The following DENND5A variants were observed in gnomAD, a reference collection of about 807,000 sequenced individuals.
The protein encoded by DENND5A is DENN domain-containing protein 5A.
In DENND5A, 64 loss-of-function variants were observed where a neutral mutation model predicts 140.3. That is an observed-to-expected ratio of 0.46 (90% CI 0.37 to 0.56). The LOEUF (loss-of-function observed/expected upper bound fraction) is 0.56, where lower values mean the gene tolerates loss of function less well. DENND5A is among the 20% of genes least tolerant of loss of function. The pLI is 0.00. For missense variants in DENND5A, 1,292 were observed against 1,593.8 expected (o/e 0.81, Z 3.22); for synonymous variants, 605 against 607.7 (o/e 1.00, Z 0.07).
intron 1 of DENND5A, among the ~76,000 whole-genome samples, chr11:9,224,309 T>C (rs568936954): frequency 2.2e-4 from 34 of 152,282 alleles, no homozygotes; most frequent in African/African-American, 8.2e-4. Context: ...ATTCAACATA[T>C]CTCAAGCCTT....
chr11:9,155,586 T>C (rs1270812057), intron 12 of DENND5A, among the ~76,000 whole-genome samples: 2 of 152,208 alleles, frequency 1.3e-5, no homozygotes, highest in Non-Finnish European at 2.9e-5. Flanking sequence ...AAGGGTCTGA[T>C]TGGGATTGCA....
rs377395197 is a variant in DENND5A, at chr11:9,170,679, A to C, written c.2005T>G (p.Phe669Val). The C allele has an allele frequency of 3.7e-6, 6 of 1,613,916 alleles. No homozygotes were observed. The African/African-American group carries it at 6.7e-5, about 18-fold the overall frequency. Residue 669 changes from phenylalanine to valine, a missense_variant, in exon 9 of 23, where the codon TTC (phenylalanine) becomes GTC (valine). Around this residue, in one of 4 missense-constraint regions of DENND5A, gnomAD observed 199 missense variants for 189.1 expected, o/e 1.05. Transcript: ENST00000328194. ...ACATCAGACTGCAGCTTAGGGAAGA[A>C]GCCCGGCTCATATTTCCCTTGTCCA... ...KIGQGKYEPG[F>V]FPKLQSDVLS...
chr11:9,257,009 T>C (rs1851974624), intron 1 of DENND5A, among the ~76,000 whole-genome samples: 1 of 152,140 alleles, frequency 6.6e-6, no homozygotes, highest in Non-Finnish European at 1.5e-5. Flanking sequence ...CTTTGTTCTA[T>C]TCATGTCAAT....
intron 12 of DENND5A, among the ~76,000 whole-genome samples, chr11:9,154,870 C>T (rs1003371447): frequency 1.3e-5 from 2 of 151,592 alleles, no homozygotes; most frequent in African/African-American, 4.8e-5. Flanking sequence ...AGAAGGTTGA[C>T]TGGGCGCAGT....
Position 9,223,760 on chromosome 11 carries a change from A to G in DENND5A, c.110-16128T>C, listed in dbSNP as rs765600298. On this transcript the variant is annotated intron_variant, in intron 1 of 22. Coordinates refer to ENST00000328194, the MANE Select transcript of DENND5A (RefSeq NM_015213.4). The stretch of plus-strand genomic sequence containing the variant: ...GACAGTGGTACCTGGGAATGTTAAT[A>G]TCCTTCAACCTATTGCCTGTAGGTT... Among the ~76,000 whole-genome samples, 8 of 152,190 alleles carry G rather than the reference A, an allele frequency of 5.3e-5. No individual in the cohort carries two copies. In the South Asian group the frequency reaches 1.2e-3, roughly 24 times the overall value.
At position 9,218,286 on chromosome 11, in the gene DENND5A, T is replaced by C. The variant is rs988483587; in HGVS notation, c.110-10654A>G. Among the ~76,000 whole-genome samples, 5 of 150,818 alleles carry C rather than the reference T, an allele frequency of 3.3e-5. No individual in the cohort carries two copies. In the East Asian group the frequency reaches 9.8e-4, roughly 29 times the overall value. ...AAAAATAAACAAAAAAAAAACAAGC[T>C]TGTGGAAATTAAAATGGTGTCAGAA... On this transcript the variant is annotated intron_variant, in intron 1 of 22. Transcript: ENST00000328194.
chr11:9,233,758 A>C (rs1055829874), intron 1 of DENND5A, among the ~76,000 whole-genome samples: 5 of 152,124 alleles, frequency 3.3e-5, no homozygotes, highest in African/African-American at 1.2e-4. Flanking sequence ...TCTCCCCAAG[A>C]GCCTCTGAGG....
At chr11:9,153,397 ATGGT>A (rs1471669601) in intron 12 of DENND5A, among the ~76,000 whole-genome samples, 35 of 151,244 alleles carry the variant, frequency 2.3e-4, no homozygotes, top group East Asian at 1.7e-3. Context: ...CATCCTCTAA[ATGGT>A]CTGCTGGTTT....
At chr11:9,206,611 TCA>T in intron 3 of DENND5A, 60 bp downstream of exon 3, 2 of 1,246,348 alleles carry the variant, frequency 1.6e-6, no homozygotes, top group Admixed American at 3.5e-5. Context: ...CAGCCTGAAC[TCA>T]CAATCCTATT....
At chr11:9,194,157 G>T (rs1849236730) in intron 4 of DENND5A, among the ~76,000 whole-genome samples, 1 of 152,194 alleles carries the variant, frequency 6.6e-6, no homozygotes, top group Admixed American at 6.5e-5. Context: ...CAAGCACAAA[G>T]AACCACCAAG....
chr11:9,234,178 C>CAA lies in DENND5A; in HGVS notation c.110-26548_110-26547dup, dbSNP rs11295091. Among the ~76,000 whole-genome samples the CAA allele has an allele frequency of 5.9e-3, 740 of 126,086 alleles. 8 individuals carry two copies. Among genetic ancestry groups the CAA allele is most frequent in the African/African-American group, 0.02 (683 of 34,032 alleles). 82.7% of individuals were successfully genotyped at this position (126,086 alleles called of 152,430 possible). On this transcript the variant is annotated intron_variant, in intron 1 of 22. Transcript: ENST00000328194. Reference sequence around the variant, plus strand: ...TGGGCAACAGAGCAAAACTCCGTCTCAAAAAAAAAAAAAAAGGCAACTAAT... The same window carrying CAA: ...TGGGCAACAGAGCAAAACTCCGTCTCAAAAAAAAAAAAAAAAAGGCAACTAAT...
intron 1 of DENND5A, among the ~76,000 whole-genome samples, chr11:9,235,986 A>G (rs1031241388): frequency 6.6e-6 from 1 of 152,192 alleles, no homozygotes; most frequent in African/African-American, 2.4e-5. Context: ...CATACCTGTA[A>G]TCTCAGCACT....
chr11:9,145,905 A>C, intron 16 of DENND5A, 90 bp from the exon 17 acceptor site: 1 of 1,408,340 alleles, frequency 7.1e-7, no homozygotes, highest in South Asian at 1.2e-5. Flanking sequence ...GAAGGCTGGC[A>C]CAACTGTGGC....
At chr11:9,262,843 G>A (rs1180000418) in intron 1 of DENND5A, among the ~76,000 whole-genome samples, 3 of 151,980 alleles carry the variant, frequency 2.0e-5, no homozygotes, top group Non-Finnish European at 4.4e-5. Context: ...CCGGGTTCAC[G>A]CCATTCTCCT....
chr11:9,173,907 T>A (rs562155736), intron 8 of DENND5A, among the ~76,000 whole-genome samples: 59 of 151,648 alleles, frequency 3.9e-4, no homozygotes, highest in Non-Finnish European at 6.2e-4. Flanking sequence ...GATCAAGAGA[T>A]CAAGACCACG....
intron 1 of DENND5A, among the ~76,000 whole-genome samples, chr11:9,229,952 T>G (rs1193980729): frequency 7.8e-6 from 1 of 128,898 alleles, no homozygotes; most frequent in Non-Finnish European, 1.6e-5. Flanking sequence ...TCACCCAGGC[T>G]AGAGTGCAGT....
chr11:9,199,192 G>A (rs1240762937), intron 4 of DENND5A, among the ~76,000 whole-genome samples: 1 of 150,834 alleles, frequency 6.6e-6, no homozygotes, highest in African/African-American at 2.4e-5. Context: ...AAGAGCTTCT[G>A]TTCTGCATAT....
chr11:9,241,318 T>C (rs1247438983), intron 1 of DENND5A, among the ~76,000 whole-genome samples: 1 of 152,182 alleles, frequency 6.6e-6, no homozygotes, highest in Admixed American at 6.6e-5. Flanking sequence ...TACAGGTTTC[T>C]AGGCCCCATC....
rs192909271 is a variant in DENND5A, at chr11:9,228,657, T to G, written c.110-21025A>C. Among the ~76,000 whole-genome samples, 9 of 150,162 alleles carry G rather than the reference T, an allele frequency of 6.0e-5. No homozygotes were observed. The East Asian group carries it at 1.8e-3, about 29-fold the overall frequency. ...TCACTTGAACCCGGGAGGCAGAGGTTGCAGTGAGCCGAGATCGCACCACTG... is the reference window on the plus strand; with the variant it reads ...TCACTTGAACCCGGGAGGCAGAGGTGGCAGTGAGCCGAGATCGCACCACTG... On this transcript the variant is annotated intron_variant, in intron 1 of 22. Transcript: ENST00000328194.
Sources: gnomAD v4.1 joint callset for allele counts (sites outside exome capture counted in the v4.1 genomes callset) on GRCh38, gnomAD v4.1.1 for gene constraint, gnomAD v4.1.1 regional missense constraint, MANE v1.5 for transcripts, NCBI Gene and HGNC (gene_info 2026-07-23, HGNC 2026-07-21) for gene names.